The following HERC3 variants were observed in gnomAD, a reference collection of about 807,000 sequenced individuals.
HERC3 encodes the protein probable E3 ubiquitin-protein ligase HERC3.
Under a neutral mutation model 129.9 loss-of-function variants are expected in HERC3, and 58 were observed. The ratio of observed to expected loss-of-function variants is 0.45; its 90% CI spans 0.36 to 0.56. The LOEUF (loss-of-function observed/expected upper bound fraction) is 0.56, where lower values mean the gene tolerates loss of function less well. Ranked by LOEUF, HERC3 falls within the 20% of genes least tolerant of loss-of-function variation. HERC3 has a pLI of 0.00. For synonymous variants in HERC3, 430 were observed against 451.0 expected (o/e 0.95, Z 0.59); for missense variants, 835 against 1,244.2 (o/e 0.67, Z 4.95).
chr4:88,539,358 T>C, the HERC3 span, among the ~76,000 whole-genome samples: 1 of 152,064 alleles, frequency 6.6e-6, no homozygotes, highest in Non-Finnish European at 1.5e-5. Context: ...GGCTGCAGCC[T>C]CGGGGGGAGA....
rs761104529 is a variant in HERC3 at position 88,605,970 on chromosome 4, G to A, written c.147G>A (p.Leu49=). 2.5e-6 allele frequency: 4 copies of A among 1,614,164 alleles called. No homozygotes were observed. Among genetic ancestry groups the A allele is most frequent in the Non-Finnish European group, 3.4e-6 (4 of 1,180,024 alleles). ...VACGGNHSVF[L]LEDGEVYTCG... is the part of the protein sequence containing the mutation. Reference sequence around the variant, plus strand: ...GTGGGGGAAACCACTCTGTGTTCCTGCTGGAAGATGGGGAAGTTTACACAT... The same window carrying A: ...GTGGGGGAAACCACTCTGTGTTCCTACTGGAAGATGGGGAAGTTTACACAT... Residue 49 remains leucine (L), a synonymous_variant, in exon 3 of 26, where the codon CTG becomes CTA. Transcript: ENST00000402738.
chr4:88,527,366 C>G, the HERC3 span, among the ~76,000 whole-genome samples: 1 of 152,038 alleles, frequency 6.6e-6, no homozygotes, highest in Admixed American at 6.6e-5. Flanking sequence ...ATCCTCCCAC[C>G]TCAGCTTCCT....
upstream of HERC3, among the ~76,000 whole-genome samples, chr4:88,589,510 T>C (rs571472825): frequency 8.5e-5 from 13 of 152,368 alleles, no homozygotes; most frequent in African/African-American, 2.4e-4. Context: ...ACAAAGACTG[T>C]ACTGTTTTGC....
At chr4:88,685,595 C>T (rs756185062) in intron 21 of HERC3, among the ~76,000 whole-genome samples, 12 of 151,882 alleles carry the variant, frequency 7.9e-5, no homozygotes, top group African/African-American at 2.4e-4. Context: ...TGGGGCCTTT[C>T]GGGTGGTGGA....
chr4:88,651,593 G>T (rs1489407792), intron 4 of HERC3, among the ~76,000 whole-genome samples: 2 of 152,184 alleles, frequency 1.3e-5, no homozygotes, highest in African/African-American at 4.8e-5. Context: ...CACCTCAAGG[G>T]TACAATTTCT....
At chr4:88,637,026 G>A (rs1727491072) in intron 3 of HERC3, among the ~76,000 whole-genome samples, 2 of 152,162 alleles carry the variant, frequency 1.3e-5, no homozygotes, top group Admixed American at 6.5e-5. Flanking sequence ...CTACTCGGGA[G>A]GCTGAGGTAG....
intron 10 of HERC3, among the ~76,000 whole-genome samples, chr4:88,660,741 T>C (rs999953226): frequency 6.6e-6 from 1 of 152,178 alleles, no homozygotes; most frequent in African/African-American, 2.4e-5. Context: ...TGTGTTTGTG[T>C]GTGTGTCTAT....
At chr4:88,572,482 A>G in the HERC3 span, among the ~76,000 whole-genome samples, 1 of 152,124 alleles carries the variant, frequency 6.6e-6, no homozygotes, top group African/African-American at 2.4e-5. Context: ...TCTTCTAACC[A>G]AAAATCAATT....
intron 10 of HERC3, among the ~76,000 whole-genome samples, chr4:88,660,903 A>G (rs1210381375): frequency 6.6e-6 from 1 of 152,178 alleles, no homozygotes; most frequent in African/African-American, 2.4e-5. Flanking sequence ...GAACGCTCCC[A>G]TGGTGATTCA....
At chr4:88,633,284 G>A (rs546697054) in intron 3 of HERC3, among the ~76,000 whole-genome samples, 26 of 152,170 alleles carry the variant, frequency 1.7e-4, no homozygotes, top group Non-Finnish European at 2.9e-4. Context: ...GGCACATCAA[G>A]AATGAAGAAG....
chr4:88,604,282 G>T (rs1723371847), intron 2 of HERC3, among the ~76,000 whole-genome samples: 1 of 152,218 alleles, frequency 6.6e-6, no homozygotes, highest in East Asian at 1.9e-4. Flanking sequence ...ACCTCCCAAA[G>T]TGCTGGGATT....
At chr4:88,636,114 C>T (rs530269078) in intron 3 of HERC3, among the ~76,000 whole-genome samples, 3 of 152,200 alleles carry the variant, frequency 2.0e-5, no homozygotes, top group South Asian at 2.1e-4. Flanking sequence ...AACCAGCTAG[C>T]GTCATGATGA....
intron 2 of HERC3, among the ~76,000 whole-genome samples, chr4:88,596,991 T>G (rs1722471168): frequency 6.6e-6 from 1 of 152,276 alleles, no homozygotes; most frequent in African/African-American, 2.4e-5. Context: ...ACAATGATGC[T>G]TATAGATGGA....
At position 88,638,328 on chromosome 4, in the gene HERC3, G is replaced by A. The variant is rs533240278; in HGVS notation, c.227-11512G>A. Among the ~76,000 whole-genome samples, 72 of 152,290 alleles carry A rather than the reference G, an allele frequency of 4.7e-4. 2 individuals are homozygous for A. The highest frequency in any genetic ancestry group is 4.6e-3 in the Admixed American group (71 of 15,302). On this transcript the variant is annotated intron_variant, in intron 3 of 25. Transcript: ENST00000402738. ...AGGCCAATATCCTTGATGAACATCA[G>A]TGTGAAAATCCTCAATAAAATACTG...
intron 16 of HERC3, among the ~76,000 whole-genome samples, chr4:88,672,680 A>G (rs1731740564): frequency 6.6e-6 from 1 of 152,218 alleles, no homozygotes. Context: ...TCTAATGGCC[A>G]TGGCCTTAGA....
the HERC3 span, among the ~76,000 whole-genome samples, chr4:88,579,219 T>TAAAAAAAAA: frequency 4.3e-5 from 5 of 117,076 alleles, no homozygotes; most frequent in African/African-American, 1.8e-4. Context: ...CTGTCTCTAC[T>TAAAAAAAAA]AAAAAAAAAA....
chr4:88,667,787 G>A, intron 13 of HERC3, 105 bp from the exon 14 acceptor site: 1 of 834,504 alleles, frequency 1.2e-6, no homozygotes, highest in South Asian at 1.6e-5. Context: ...AGTGCATAGT[G>A]AATGAATGAG....
the HERC3 span, among the ~76,000 whole-genome samples, chr4:88,572,022 T>C: frequency 9.9e-5 from 15 of 152,106 alleles, no homozygotes; most frequent in African/African-American, 3.4e-4. Flanking sequence ...ATATGACTGA[T>C]GTCTTTATAA....
At chr4:88,636,355 T>C (rs1011318608) in intron 3 of HERC3, among the ~76,000 whole-genome samples, 2 of 152,072 alleles carry the variant, frequency 1.3e-5, no homozygotes, top group Non-Finnish European at 2.9e-5. Flanking sequence ...TCCTAGTCTC[T>C]GACAGAACAG....
Sources: gnomAD v4.1 joint callset for allele counts (sites outside exome capture counted in the v4.1 genomes callset) on GRCh38, gnomAD v4.1.1 for gene constraint, MANE v1.5 for transcripts, NCBI Gene and HGNC (gene_info 2026-07-23, HGNC 2026-07-21) for gene names.